The following C2orf42 variants were observed in gnomAD, a reference collection of about 807,000 sequenced individuals.
C2orf42 encodes chromosome 2 open reading frame 42, also known as uncharacterized protein C2orf42.
Under a neutral mutation model 58.9 loss-of-function variants are expected in C2orf42, and 44 were observed. The observed-to-expected ratio is 0.75, with a 90% CI of 0.59 to 0.96. The LOEUF (loss-of-function observed/expected upper bound fraction) is 0.96, where lower values mean the gene tolerates loss of function less well. Among genes scored for constraint, C2orf42 ranks in the 40% least tolerant of loss-of-function variants. The pLI is 0.00. For synonymous variants in C2orf42, 239 were observed against 265.4 expected (o/e 0.90, Z 0.97); for missense variants, 630 against 699.2 (o/e 0.90, Z 1.12).
rs550388807 is a variant in C2orf42 at position 70,160,691 on chromosome 2, T to C, written c.1450A>G (p.Thr484Ala). ...GGTTGTTTTTCTATACGACCGTAGG[T>C]TTCTGCTATGCTTTCTACTTCCACT... is the stretch of plus-strand genomic sequence containing the variant. ...PKVEVESIAE[T>A]YGRIEKQPVL... The change falls in exon 9 of 10, where the codon ACC becomes GCC. Residue 484 changes from threonine to alanine, a missense_variant. By Grantham distance (58) the Thr-to-Ala change is moderately conservative (BLOSUM62 0). Coordinates refer to ENST00000264434, the MANE Select transcript of C2orf42 (RefSeq NM_017880.3). 9.9e-6 allele frequency: 16 copies of C among 1,613,556 alleles called. 1 individual carries two copies. The South Asian group carries it at 1.8e-4, about 18-fold the overall frequency.
intron 9 of C2orf42, among the ~76,000 whole-genome samples, chr2:70,159,460 C>T (rs1280508005): frequency 6.6e-6 from 1 of 151,200 alleles, no homozygotes; most frequent in Non-Finnish European, 1.5e-5. Flanking sequence ...TGACGGTGGG[C>T]GCCTGTAATC....
intron 9 of C2orf42, among the ~76,000 whole-genome samples, chr2:70,151,409 G>A (rs1672302913): frequency 6.6e-6 from 1 of 152,100 alleles, no homozygotes; most frequent in African/African-American, 2.4e-5. Context: ...GCTGAGGTGG[G>A]CGGATCACTT....
intron 8 of C2orf42, among the ~76,000 whole-genome samples, chr2:70,162,824 C>T (rs553564370): frequency 6.6e-6 from 1 of 151,944 alleles, no homozygotes; most frequent in South Asian, 2.1e-4. Flanking sequence ...AGAAGAATGC[C>T]TTGCAATTAA....
At chr2:70,161,324 A>T (rs1174349518) in intron 8 of C2orf42, among the ~76,000 whole-genome samples, 1 of 152,146 alleles carries the variant, frequency 6.6e-6, no homozygotes, top group Non-Finnish European at 1.5e-5. Context: ...TGGGAGGTCA[A>T]ATGAGGTGAC....
At position 70,181,324 on chromosome 2, in the gene C2orf42, C is replaced by A; in HGVS notation, c.662G>T (p.Arg221Leu). 4 of 1,613,942 alleles carry A rather than the reference C, an allele frequency of 2.5e-6. No individual in the cohort carries two copies. Among genetic ancestry groups the A allele is most frequent in the Non-Finnish European group, 3.4e-6 (4 of 1,179,898 alleles). Residue 221 changes from arginine (R) to leucine (L), a missense_variant, in exon 3 of 10, where the codon CGC (arginine) becomes CTC (leucine). Physicochemically the swap from Arg to Leu is moderately radical, Grantham distance 102. Coordinates refer to ENST00000264434, the MANE Select transcript of C2orf42 (RefSeq NM_017880.3). ...KVSGKSLPER[R>L]FFCSCQTLKS... ...CAGAGTCTGACAGGAGCAGAAGAAG[C>A]GGCGCTCAGGCAAGCTTTTGCCACT...
At chr2:70,155,570 G>C (rs913451942) in intron 9 of C2orf42, among the ~76,000 whole-genome samples, 2 of 151,938 alleles carry the variant, frequency 1.3e-5, no homozygotes, top group Non-Finnish European at 2.9e-5. Context: ...AGGCCAAAGC[G>C]GGTGGATCAC....
intron 9 of C2orf42, among the ~76,000 whole-genome samples, chr2:70,157,862 A>G (rs72900668): frequency 2.0e-5 from 3 of 152,240 alleles, no homozygotes; most frequent in South Asian, 2.1e-4. Context: ...GCACAAATTC[A>G]TATCATATAT....
In C2orf42 at chr2:70,181,214, C is replaced by T; in HGVS notation, c.772G>A (p.Asp258Asn). 5 of 1,593,398 alleles carry T rather than the reference C, an allele frequency of 3.1e-6. No homozygotes were observed. The highest frequency in any genetic ancestry group is 4.3e-6 in the Non-Finnish European group (5 of 1,164,654). ...GAGAATTCCTGAGCCAGTGTCTCAT[C>T]ACTGGCAAAGGCACAGATGCAAGCA... Reference protein sequence around the residue: ...FFACICAFASDETLAQEFSDF... With the variant: ...FFACICAFASNETLAQEFSDF... The change falls in exon 3 of 10, where the codon GAT becomes AAT. Residue 258 changes from aspartate (D) to asparagine (N), a missense_variant. Coordinates refer to ENST00000264434, the MANE Select transcript of C2orf42 (RefSeq NM_017880.3).
intron 2 of C2orf42, 170 bp downstream of exon 2, chr2:70,182,497 C>T (rs2103641094): frequency 6.5e-6 from 1 of 153,622 alleles, no homozygotes; most frequent in Admixed American, 6.4e-5. Flanking sequence ...TTTTTTAAAT[C>T]CTAATAATCA....
chr2:70,186,199 C>T (rs943288552), intron 1 of C2orf42, among the ~76,000 whole-genome samples: 1 of 151,854 alleles, frequency 6.6e-6, no homozygotes, highest in Non-Finnish European at 1.5e-5. Context: ...CATGAAGGAT[C>T]AGTTTGCTTT....
At chr2:70,157,918 A>T (rs1229983199) in intron 9 of C2orf42, among the ~76,000 whole-genome samples, 6 of 150,936 alleles carry the variant, frequency 4.0e-5, no homozygotes, top group Non-Finnish European at 5.9e-5. Context: ...AAAGAAATTA[A>T]GGCCGGGCTT....
intron 9 of C2orf42, among the ~76,000 whole-genome samples, chr2:70,154,699 A>G (rs887846816): frequency 6.6e-6 from 1 of 152,184 alleles, no homozygotes; most frequent in Non-Finnish European, 1.5e-5. Flanking sequence ...AATCTTACCT[A>G]TAACTTACCT....
chr2:70,155,589 A>C (rs1312121951), intron 9 of C2orf42, among the ~76,000 whole-genome samples: 1 of 150,056 alleles, frequency 6.7e-6, no homozygotes, highest in South Asian at 2.1e-4. Context: ...ACCTGAGGTC[A>C]GGAGTTCGAG....
At chr2:70,163,169 G>T (rs997372177) in intron 8 of C2orf42, among the ~76,000 whole-genome samples, 1 of 151,678 alleles carries the variant, frequency 6.6e-6, no homozygotes, top group Admixed American at 6.6e-5. Context: ...TGCGCGGCCT[G>T]AATTTTCTAC....
At chr2:70,157,440 G>A (rs1672750367) in intron 9 of C2orf42, among the ~76,000 whole-genome samples, 1 of 150,844 alleles carries the variant, frequency 6.6e-6, no homozygotes, top group African/African-American at 2.5e-5. Context: ...GGGCGACAGC[G>A]AGACTCCCGT....
chr2:70,169,429 A>G (rs1673643168), intron 6 of C2orf42, 128 bp downstream of exon 6: 1 of 454,356 alleles, frequency 2.2e-6, no homozygotes, highest in Non-Finnish European at 4.0e-6. Flanking sequence ...TTAGATTTCT[A>G]CTTTCTTGTG....
intron 1 of C2orf42, among the ~76,000 whole-genome samples, chr2:70,188,079 A>G (rs910116998): frequency 6.6e-6 from 1 of 152,168 alleles, no homozygotes; most frequent in Non-Finnish European, 1.5e-5. Context: ...AACATCTCAC[A>G]TAACTATGGG....
In C2orf42 at chr2:70,181,995, G is replaced by A; in HGVS notation, c.-10C>T. 6.6e-7 allele frequency: 1 copy of A among 1,511,166 alleles called. No homozygotes were observed. Among genetic ancestry groups the A allele is most frequent in the Non-Finnish European group, 9.2e-7 (1 of 1,091,454 alleles). 93.6% of individuals were successfully genotyped at this position (1,511,166 alleles called of 1,614,324 possible). A position where few individuals can be genotyped will look rare whatever the true frequency, so the allele number is the denominator to read the frequency against. On this transcript the variant is annotated splice_region_variant and 5_prime_UTR_variant, in exon 3 of 10. Coordinates refer to ENST00000264434, the MANE Select transcript of C2orf42 (RefSeq NM_017880.3). ...GAGAATTTGGTTCCATTTTTCAGAG[G>A]CCCTACAAAAGACAATACATCCAAC...
intron 6 of C2orf42, 61 bp from the exon 7 acceptor site, chr2:70,165,696 G>A (rs1673355048): frequency 1.1e-6 from 1 of 879,436 alleles, no homozygotes; most frequent in Non-Finnish European, 1.9e-6. Flanking sequence ...CTGATGTACA[G>A]GGAGAGGTGA....
Sources: allele counts gnomAD v4.1 joint callset (sites outside exome capture counted in the v4.1 genomes callset), GRCh38; gene constraint gnomAD v4.1.1; transcripts MANE v1.5; gene names NCBI Gene and HGNC (gene_info 2026-07-23, HGNC 2026-07-21).